Variants in ALG12 observed in about 807,000 individuals in gnomAD.
The protein encoded by ALG12 is ALG12 alpha-1,6-mannosyltransferase.
ALG12 carries 36 observed loss-of-function variants against 46.0 expected under a neutral mutation model. The ratio of observed to expected loss-of-function variants is 0.78; its 90% CI spans 0.60 to 1.03. The LOEUF is 1.03. ALG12 is among the 50% of genes least tolerant of loss of function. The pLI is 0.00. For missense variants in ALG12, 599 were observed against 633.5 expected, an observed-to-expected ratio of 0.95 and a Z score of 0.58; for synonymous variants, 326 against 291.6, an observed-to-expected ratio of 1.12 and a Z score of -1.20.
Position 49,906,313 on chromosome 22 carries a change from T to C in ALG12, c.992+1408A>G, listed in dbSNP as rs2060541654. Reference sequence around the variant, plus strand: ...CTACCCTCTTTTCCATGACTCTGGCTGGGGTCTGCTCCTCCTCCAGCCCTG... The same window carrying C: ...CTACCCTCTTTTCCATGACTCTGGCCGGGGTCTGCTCCTCCTCCAGCCCTG... On this transcript the variant is annotated intron_variant, in intron 7 of 9. Coordinates refer to ENST00000330817, the MANE Select transcript of ALG12 (RefSeq NM_024105.4). The surrounding 1 kb of genome is among the most constrained non-coding windows in gnomAD (Gnocchi z 4.4). Among the ~76,000 whole-genome samples, 1 of 152,176 alleles carries C rather than the reference T, an allele frequency of 6.6e-6. No homozygotes were observed. The highest frequency in any genetic ancestry group is 6.5e-5 in the Admixed American group (1 of 15,280).
At chr22:49,916,435 G>T (rs2060609611) in intron 1 of ALG12, among the ~76,000 whole-genome samples, 1 of 152,036 alleles carries the variant, frequency 6.6e-6, no homozygotes, top group Non-Finnish European at 1.5e-5. Flanking sequence ...ACAAAAATTA[G>T]CTGGGCATGG....
Position 49,910,453 on chromosome 22 carries a change from A to G in ALG12, c.450T>C (p.Asn150=), listed in dbSNP as rs1448745493. 7 of 1,613,452 alleles carry G rather than the reference A, an allele frequency of 4.3e-6. No individual in the cohort carries two copies. The highest frequency in any genetic ancestry group is 5.9e-6 in the Non-Finnish European group (7 of 1,179,988). ...ACGTACCTACAGGCAGGGCCAGCAC[A>G]TTGGGCAGTGTCCGCGTGCAGTAGA... ...LMFYCTRTLP[N]VLALPVVLLA... The change falls in exon 4 of 10, where the codon AAT becomes AAC. Residue 150 remains asparagine, a synonymous_variant. Transcript: ENST00000330817.
the ALG12 span, chr22:49,885,218 G>C: frequency 2.5e-6 from 4 of 1,613,592 alleles, no homozygotes; most frequent in Non-Finnish European, 3.4e-6. Context: ...CTGGGTGCAA[G>C]TCTGGCAAAC....
the ALG12 span, chr22:49,884,412 C>T: frequency 5.0e-6 from 8 of 1,613,700 alleles, no homozygotes; most frequent in Non-Finnish European, 6.8e-6. Flanking sequence ...GAGAAGAAGC[C>T]CTGGTGGGGT....
chr22:49,894,693 GACAA>G, the ALG12 span, among the ~76,000 whole-genome samples: 24 of 152,246 alleles, frequency 1.6e-4, no homozygotes, highest in African/African-American at 5.8e-4. Flanking sequence ...AGGAGAAATA[GACAA>G]TCACAGTGAG....
the ALG12 span, among the ~76,000 whole-genome samples, chr22:49,892,457 A>T: frequency 6.6e-6 from 1 of 152,238 alleles, no homozygotes; most frequent in Non-Finnish European, 1.5e-5. Context: ...GCCTCAGAGA[A>T]GTGGCCGAAT....
the ALG12 span, among the ~76,000 whole-genome samples, chr22:49,878,915 C>T: frequency 2.0e-5 from 3 of 151,706 alleles, no homozygotes; most frequent in Admixed American, 6.6e-5. Context: ...GAGGCCGAGG[C>T]GGGCAGATCA....
the ALG12 span, among the ~76,000 whole-genome samples, chr22:49,871,004 A>G: frequency 0.92 from 139,140 of 150,878 alleles, 64,260 homozygotes; most frequent in African/African-American, 0.98. Context: ...GCAGTGGTGC[A>G]ATCTTGGCTA....
chr22:49,876,307 G>A, the ALG12 span, among the ~76,000 whole-genome samples: 1 of 152,238 alleles, frequency 6.6e-6, no homozygotes, highest in African/African-American at 2.4e-5. Flanking sequence ...TAATAGTGTT[G>A]TTTGAATCTT....
the ALG12 span, among the ~76,000 whole-genome samples, chr22:49,869,861 G>A: frequency 6.6e-6 from 1 of 152,164 alleles, no homozygotes; most frequent in Non-Finnish European, 1.5e-5. Context: ...GCAGGTTCAC[G>A]ACATGGTATA....
chr22:49,904,710 A>C, intron 7 of ALG12: 1 of 600,578 alleles, frequency 1.7e-6, no homozygotes, highest in Non-Finnish European at 2.9e-6. Context: ...TCTACCCAAG[A>C]TGCCAATTTA....
chr22:49,865,662 G>A, the ALG12 span, among the ~76,000 whole-genome samples: 266 of 151,986 alleles, frequency 1.8e-3, 1 homozygote, highest in African/African-American at 6.1e-3. Flanking sequence ...GCGACAGAGT[G>A]GACAAAAATA....
At chr22:49,883,892 CAG>C in the ALG12 span, 1 of 1,606,972 alleles carries the variant, frequency 6.2e-7, no homozygotes, top group Non-Finnish European at 8.5e-7. Context: ...TACTTGTCTG[CAG>C]AGAGTGAGGA....
the ALG12 span, among the ~76,000 whole-genome samples, chr22:49,893,512 T>C: frequency 1.7e-4 from 26 of 152,270 alleles, no homozygotes; most frequent in East Asian, 1.9e-3. Flanking sequence ...TTTTTTTAAA[T>C]GCTGAAAGGA....
chr22:49,899,682 CA>C (rs60668169), downstream of ALG12, among the ~76,000 whole-genome samples: 1,049 of 152,144 alleles, frequency 6.9e-3, 8 homozygotes, highest in African/African-American at 0.024. Flanking sequence ...ACACCTCAAA[CA>C]ATATGAAAGT....
At chr22:49,909,750 G>A (rs2060564680) in intron 5 of ALG12, 144 bp downstream of exon 5, 2 of 1,182,442 alleles carry the variant, frequency 1.7e-6, no homozygotes, top group South Asian at 1.4e-5. Flanking sequence ...CGGGCAGGGG[G>A]CTTAGGATTG....
Position 49,904,497 on chromosome 22 carries a change from G to C in ALG12, c.1002C>G (p.Asn334Lys), listed in dbSNP as rs1445850940. ...AARGCSYLLN[N>K]YKKSWLYKAG... ...CTTTGTACAGCCAAGACTTTTTATA[G>C]TTATTCAGCCTGAAAAAAGAATGGT... The change falls in exon 8 of 10, where the codon AAC becomes AAG. Residue 334 changes from asparagine to lysine, a missense_variant. Asn to Lys is a moderately conservative substitution (Grantham distance 94). Coordinates refer to ENST00000330817, the MANE Select transcript of ALG12 (RefSeq NM_024105.4). The C allele has an allele frequency of 2.5e-6, 4 of 1,614,008 alleles. No individual in the cohort carries two copies. Among genetic ancestry groups the C allele is most frequent in the Non-Finnish European group, 3.4e-6 (4 of 1,180,028 alleles).
chr22:49,879,641 G>A, the ALG12 span, among the ~76,000 whole-genome samples: 4 of 102,730 alleles, frequency 3.9e-5, no homozygotes, highest in Admixed American at 2.0e-4. Context: ...GTGTCTGGGC[G>A]TGTTTCTATT....
chr22:49,871,738 A>C, the ALG12 span, among the ~76,000 whole-genome samples: 5 of 120,668 alleles, frequency 4.1e-5, no homozygotes, highest in Admixed American at 9.9e-5. Context: ...GGTGGCTGTG[A>C]CAATTTATTT....
Sources: gnomAD v4.1 joint callset for allele counts (sites outside exome capture counted in the v4.1 genomes callset) on GRCh38, gnomAD v4.1.1 for gene constraint, Gnocchi (gnomAD v3.1) non-coding constraint, MANE v1.5 for transcripts, NCBI Gene and HGNC (gene_info 2026-07-23, HGNC 2026-07-21) for gene names.